SLC9A2: variants seen among roughly 807,000 people sequenced by gnomAD.
SLC9A2 encodes the protein sodium/hydrogen exchanger 2.
SLC9A2 carries 42 observed loss-of-function variants against 71.7 expected under a neutral mutation model. The observed-to-expected ratio is 0.59, with a 90% CI of 0.46 to 0.76. The LOEUF (loss-of-function observed/expected upper bound fraction) is 0.76. Ranked by LOEUF, SLC9A2 falls within the 30% of genes least tolerant of loss-of-function variation. The probability of loss-of-function intolerance (pLI) is 0.00; values close to 1 mark genes in which losing one functional copy is unlikely to be tolerated. For synonymous variants in SLC9A2, 396 were observed against 392.5 expected, an observed-to-expected ratio of 1.01 and a Z score of -0.10; for missense variants, 829 against 1,017.4, an observed-to-expected ratio of 0.81 and a Z score of 2.52.
At chr2:102,671,117 G>T (rs978767912) in intron 3 of SLC9A2, among the ~76,000 whole-genome samples, 1 of 152,070 alleles carries the variant, frequency 6.6e-6, no homozygotes, top group African/African-American at 2.4e-5. Flanking sequence ...TCATCTCAAC[G>T]TCCTGAAGTG....
Position 102,705,950 on chromosome 2 carries a change from T to A in SLC9A2, c.2068+14T>A. 1 of 1,486,504 alleles carries A rather than the reference T, an allele frequency of 6.7e-7. No homozygotes were observed. The highest frequency in any genetic ancestry group is 9.2e-7 in the Non-Finnish European group (1 of 1,089,794). The allele number at this position is 1,486,504 out of a possible 1,614,324, so 92.1% of individuals were successfully genotyped here. Reference sequence around the variant, plus strand: ...TTTCTATTGCAGGTAGTGAATATAGTTGGAGCAGAAAAATTTTAAATTTAT... The same window carrying A: ...TTTCTATTGCAGGTAGTGAATATAGATGGAGCAGAAAAATTTTAAATTTAT... On this transcript the variant is annotated intron_variant, in intron 11 of 11. Transcript: ENST00000233969.
intron 1 of SLC9A2, among the ~76,000 whole-genome samples, chr2:102,634,483 C>A (rs1676430400): frequency 6.6e-6 from 1 of 152,140 alleles, no homozygotes; most frequent in African/African-American, 2.4e-5. Flanking sequence ...ACAACAGTTG[C>A]TACTTTATAG....
intron 3 of SLC9A2, among the ~76,000 whole-genome samples, chr2:102,674,027 G>A (rs1387141623): frequency 6.6e-6 from 1 of 152,142 alleles, no homozygotes; most frequent in Non-Finnish European, 1.5e-5. Flanking sequence ...GACCTTGGGT[G>A]ATCCACCTGC....
At chr2:102,692,464 C>T (rs936981581) in intron 5 of SLC9A2, among the ~76,000 whole-genome samples, 2 of 152,130 alleles carry the variant, frequency 1.3e-5, no homozygotes, top group African/African-American at 4.8e-5. Context: ...TACCCTCTGT[C>T]CCTGAAATCC....
At chr2:102,670,434 A>T (rs1383112632) in intron 3 of SLC9A2, among the ~76,000 whole-genome samples, 1 of 152,066 alleles carries the variant, frequency 6.6e-6, no homozygotes, top group Non-Finnish European at 1.5e-5. Flanking sequence ...GCATTATTGC[A>T]AAGAAAGTAG....
intron 1 of SLC9A2, among the ~76,000 whole-genome samples, chr2:102,626,658 T>C (rs1172703581): frequency 6.6e-6 from 1 of 152,142 alleles, no homozygotes; most frequent in Non-Finnish European, 1.5e-5. Context: ...GGAGAAAATT[T>C]TTGCAATCTG....
At position 102,708,495 on chromosome 2, in the gene SLC9A2, G is replaced by A; in HGVS notation, c.*6G>A. The A allele has an allele frequency of 6.2e-7, 1 of 1,610,324 alleles. No individual in the cohort carries two copies. Among genetic ancestry groups the A allele is most frequent in the Non-Finnish European group, 8.5e-7 (1 of 1,177,966 alleles). ...TTGGGAGTGAGAAGCCTTAAGAGAA[G>A]CAGCGAAAGCAGATCTGAGTGTCTG... is the stretch of plus-strand genomic sequence containing the variant. On this transcript the variant is annotated 3_prime_UTR_variant, in exon 12 of 12. Coordinates refer to ENST00000233969, the MANE Select transcript of SLC9A2 (RefSeq NM_003048.6).
intron 1 of SLC9A2, among the ~76,000 whole-genome samples, chr2:102,651,017 C>G (rs1676821339): frequency 6.6e-6 from 1 of 152,188 alleles, no homozygotes; most frequent in Non-Finnish European, 1.5e-5. Context: ...TAATCCCATT[C>G]TACACATTTG....
chr2:102,682,120 G>A (rs6704840), intron 3 of SLC9A2, among the ~76,000 whole-genome samples: 3,402 of 152,238 alleles, frequency 0.022, 133 homozygotes, highest in African/African-American at 0.075. Flanking sequence ...GGTTACCACT[G>A]AGTGGAAGGC....
At chr2:102,645,796 G>A (rs563061088) in intron 1 of SLC9A2, among the ~76,000 whole-genome samples, 32 of 152,210 alleles carry the variant, frequency 2.1e-4, no homozygotes, top group South Asian at 6.2e-4. Context: ...AGAAATATGG[G>A]ACTATGTGAA....
chr2:102,624,706 T>G (rs1337145701), intron 1 of SLC9A2, among the ~76,000 whole-genome samples: 2 of 152,244 alleles, frequency 1.3e-5, no homozygotes, highest in African/African-American at 4.8e-5. Flanking sequence ...TCTGCTCTTT[T>G]GATTTTCTCT....
At chr2:102,702,530 T>A in intron 9 of SLC9A2, 28 bp downstream of exon 9, 1 of 1,335,414 alleles carries the variant, frequency 7.5e-7, no homozygotes, top group Non-Finnish European at 1.1e-6. Flanking sequence ...AGCAAAATAT[T>A]TACTTACCTT....
chr2:102,692,120 T>C (rs1261277985), intron 5 of SLC9A2, among the ~76,000 whole-genome samples: 1 of 152,236 alleles, frequency 6.6e-6, no homozygotes, highest in Non-Finnish European at 1.5e-5. Flanking sequence ...TTACATAAGT[T>C]AGAAATTACA....
rs114579143 is a variant in SLC9A2 at position 102,619,770 on chromosome 2, G to T, written c.-79G>T. ...GCCCTGCACGGGGCAGGGCGGAGCGGGCTGAGCAGCCCGGGCGCGATGCGT... is the reference window on the plus strand; with the variant it reads ...GCCCTGCACGGGGCAGGGCGGAGCGTGCTGAGCAGCCCGGGCGCGATGCGT... On this transcript the variant is annotated 5_prime_UTR_variant, in exon 1 of 12. Coordinates refer to ENST00000233969, the MANE Select transcript of SLC9A2 (RefSeq NM_003048.6). This position sits in a 1 kb window ranked among gnomAD's most constrained non-coding sequence, Gnocchi z 4.3. 1 of 1,335,770 alleles carries T rather than the reference G, an allele frequency of 7.5e-7. No individual in the cohort carries two copies. Among genetic ancestry groups the T allele is most frequent in the East Asian group, 2.6e-5 (1 of 37,736 alleles). 82.7% of individuals were successfully genotyped at this position (1,335,770 alleles called of 1,614,324 possible).
chr2:102,629,014 A>C (rs1332164560), intron 1 of SLC9A2, among the ~76,000 whole-genome samples: 2 of 152,178 alleles, frequency 1.3e-5, no homozygotes, highest in Non-Finnish European at 2.9e-5. Flanking sequence ...TATTGTGTAC[A>C]GGATTTTATA....
Position 102,677,672 on chromosome 2 carries a change from A to G in SLC9A2, c.1005-5589A>G, listed in dbSNP as rs561814953. Among the ~76,000 whole-genome samples the G allele has an allele frequency of 7.2e-5, 11 of 152,342 alleles. No individual in the cohort carries two copies. The East Asian group carries it at 1.2e-3, about 16-fold the overall frequency. ...TATTAATGACTCATCCATGTAGTCA[A>G]TGATGCAAAATACATGCCAGACACT... On this transcript the variant is annotated intron_variant, in intron 3 of 11. Coordinates refer to ENST00000233969, the MANE Select transcript of SLC9A2 (RefSeq NM_003048.6).
chr2:102,666,288 C>T (rs954355476), intron 3 of SLC9A2, among the ~76,000 whole-genome samples: 3 of 151,220 alleles, frequency 2.0e-5, no homozygotes, highest in Admixed American at 6.6e-5. Context: ...CTCCGCCTCC[C>T]GGGTTCACAC....
intron 1 of SLC9A2, among the ~76,000 whole-genome samples, chr2:102,633,505 A>G (rs562268773): frequency 7.2e-5 from 11 of 152,216 alleles, no homozygotes; most frequent in Non-Finnish European, 1.3e-4. Flanking sequence ...TCACGCAATA[A>G]TAATAGCACC....
Position 102,709,676 on chromosome 2 carries a change from T to C in SLC9A2, c.*1187T>C, listed in dbSNP as rs1678065078. 1 of 152,772 alleles carries C rather than the reference T, an allele frequency of 6.5e-6. No individual in the cohort carries two copies. Among genetic ancestry groups the C allele is most frequent in the Non-Finnish European group, 1.5e-5 (1 of 68,042 alleles). The allele number at this position is 152,772 out of a possible 1,614,324, so 9.5% of individuals were successfully genotyped here. A position where few individuals can be genotyped will look rare whatever the true frequency, so the allele number is the denominator to read the frequency against. ...AATATAGTAACTCAGAATTTTCATA[T>C]AAAATTGAATTCTACTCATTAGAGT... On this transcript the variant is annotated 3_prime_UTR_variant, in exon 12 of 12. Transcript: ENST00000233969.
Sources: allele counts gnomAD v4.1 joint callset (sites outside exome capture counted in the v4.1 genomes callset), GRCh38; gene constraint gnomAD v4.1.1; non-coding constraint Gnocchi (gnomAD v3.1); transcripts MANE v1.5; gene names NCBI Gene and HGNC (gene_info 2026-07-23, HGNC 2026-07-21).